The following MDFIC2 variants were observed in gnomAD, a reference collection of about 807,000 sequenced individuals.
MDFIC2 encodes the protein myoD family inhibitor domain-containing protein 2.
intron 2 of MDFIC2, among the ~76,000 whole-genome samples, chr3:70,280,138 G>A (rs1429256743): frequency 6.6e-6 from 1 of 152,088 alleles, no homozygotes; most frequent in Non-Finnish European, 1.5e-5. Context: ...GGGGCTGCCT[G>A]CATTTCCTGA....
In MDFIC2 at chr3:70,312,584, A is replaced by T. The variant is rs139487662; in HGVS notation, c.-34T>A. 2 of 152,310 alleles carry T rather than the reference A, an allele frequency of 1.3e-5. No homozygotes were observed. Among genetic ancestry groups the T allele is most frequent in the African/African-American group, 2.4e-5 (1 of 41,578 alleles). 9.4% of individuals were successfully genotyped at this position (152,310 alleles called of 1,614,324 possible). ...TCCAAAGGGAGGCCCAAGGTGTGGGACTGGGGAGCAGTGAGCTGCAGCCTC... is the reference window on the plus strand; with the variant it reads ...TCCAAAGGGAGGCCCAAGGTGTGGGTCTGGGGAGCAGTGAGCTGCAGCCTC... On this transcript the variant is annotated 5_prime_UTR_variant, in exon 1 of 4. Coordinates refer to ENST00000567252, the MANE Select transcript of MDFIC2 (RefSeq NM_001364677.1).
intron 2 of MDFIC2, among the ~76,000 whole-genome samples, chr3:70,263,061 C>T (rs756086548): frequency 6.6e-6 from 1 of 152,096 alleles, no homozygotes; most frequent in Non-Finnish European, 1.5e-5. Flanking sequence ...ATTCATCTCT[C>T]TCTTTATGTT....
chr3:70,280,882 G>A (rs767702129), intron 2 of MDFIC2, among the ~76,000 whole-genome samples: 20 of 152,094 alleles, frequency 1.3e-4, no homozygotes, highest in Non-Finnish European at 2.4e-4. Flanking sequence ...AGTCCAAGAA[G>A]AATCTAAACA....
At chr3:70,218,733 G>A (rs140155338) in intron 2 of MDFIC2, among the ~76,000 whole-genome samples, 4 of 152,146 alleles carry the variant, frequency 2.6e-5, no homozygotes, top group African/African-American at 4.8e-5. Flanking sequence ...GAGACACAAG[G>A]ATTTGAGCTA....
At chr3:70,198,051 A>G (rs752423689) in intron 3 of MDFIC2, among the ~76,000 whole-genome samples, 1 of 152,182 alleles carries the variant, frequency 6.6e-6, no homozygotes, top group Non-Finnish European at 1.5e-5. Flanking sequence ...TCTTGTTAAA[A>G]TTTTAACTTT....
intron 2 of MDFIC2, among the ~76,000 whole-genome samples, chr3:70,245,195 G>A (rs115982720): frequency 0.015 from 2,239 of 152,014 alleles, 38 homozygotes; most frequent in African/African-American, 0.05. Flanking sequence ...TTCTCTTGGC[G>A]TTAAGTCTGC....
At chr3:70,243,171 T>G (rs2106643205) in intron 2 of MDFIC2, among the ~76,000 whole-genome samples, 1 of 152,304 alleles carries the variant, frequency 6.6e-6, no homozygotes, top group Non-Finnish European at 1.5e-5. Context: ...GACAAGAGTC[T>G]TTGGCTCATG....
intron 2 of MDFIC2, among the ~76,000 whole-genome samples, chr3:70,289,040 G>C (rs1456074509): frequency 6.6e-6 from 1 of 151,990 alleles, no homozygotes; most frequent in African/African-American, 2.4e-5. Context: ...CTTTTAATTG[G>C]AGCATTTAGC....
chr3:70,227,307 A>G (rs17006867), intron 2 of MDFIC2, among the ~76,000 whole-genome samples: 22,416 of 152,224 alleles, frequency 0.15, 2,349 homozygotes, highest in East Asian at 0.55. Flanking sequence ...ATTTTCCTGG[A>G]GAACTGTGAT....
chr3:70,221,835 T>C (rs188558917), intron 2 of MDFIC2, among the ~76,000 whole-genome samples: 140 of 152,306 alleles, frequency 9.2e-4, no homozygotes, highest in African/African-American at 3.3e-3. Context: ...ATTTTTTGGC[T>C]GGGGCAAAAG....
At chr3:70,206,528 G>T (rs1701292125) in intron 3 of MDFIC2, 41 bp downstream of exon 3, 2 of 397,126 alleles carry the variant, frequency 5.0e-6, no homozygotes, top group East Asian at 7.1e-5. Context: ...ATGGGGGTTG[G>T]GAGCTTTATT....
chr3:70,200,830 T>A (rs1331891225), intron 3 of MDFIC2, among the ~76,000 whole-genome samples: 2 of 152,162 alleles, frequency 1.3e-5, no homozygotes, highest in African/African-American at 4.8e-5. Flanking sequence ...TCCTAAATCC[T>A]ACCAACTGTA....
intron 2 of MDFIC2, among the ~76,000 whole-genome samples, chr3:70,289,960 TC>T (rs1337193882): frequency 6.6e-6 from 1 of 152,106 alleles, no homozygotes; most frequent in Non-Finnish European, 1.5e-5. Flanking sequence ...TATACATTCT[TC>T]TAAATTCTTT....
chr3:70,256,670 C>T (rs1490617696), intron 2 of MDFIC2, among the ~76,000 whole-genome samples: 1 of 152,190 alleles, frequency 6.6e-6, no homozygotes, highest in Non-Finnish European at 1.5e-5. Flanking sequence ...CCCTCCTTCC[C>T]TCCTTTTCTA....
At chr3:70,207,526 TTGTA>T (rs762402055) in intron 2 of MDFIC2, among the ~76,000 whole-genome samples, 11 of 152,012 alleles carry the variant, frequency 7.2e-5, no homozygotes, top group Non-Finnish European at 1.5e-4. Flanking sequence ...GCCCCAAGCG[TTGTA>T]TGTATTTTAC....
intron 3 of MDFIC2, among the ~76,000 whole-genome samples, chr3:70,206,350 T>C (rs961632312): frequency 1.3e-5 from 2 of 152,074 alleles, no homozygotes; most frequent in Non-Finnish European, 2.9e-5. Flanking sequence ...TTAAAACATG[T>C]TGCCTCTGAT....
At chr3:70,256,210 G>A (rs1701814681) in intron 2 of MDFIC2, among the ~76,000 whole-genome samples, 1 of 152,200 alleles carries the variant, frequency 6.6e-6, no homozygotes, top group Non-Finnish European at 1.5e-5. Context: ...AACTTTAGTT[G>A]TAAAGTTTTT....
chr3:70,203,167 C>T (rs1576153622), intron 3 of MDFIC2, among the ~76,000 whole-genome samples: 1 of 152,154 alleles, frequency 6.6e-6, no homozygotes, highest in South Asian at 2.1e-4. Flanking sequence ...CTCATCCTCC[C>T]CAAAGCAAAG....
At chr3:70,221,782 C>A (rs1701462592) in intron 2 of MDFIC2, among the ~76,000 whole-genome samples, 1 of 152,074 alleles carries the variant, frequency 6.6e-6, no homozygotes, top group South Asian at 2.1e-4. Flanking sequence ...TTATATCGAG[C>A]ATCATTGTTA....
Sources: gnomAD v4.1 joint callset for allele counts (sites outside exome capture counted in the v4.1 genomes callset) on GRCh38, gnomAD v4.1.1 for gene constraint, MANE v1.5 for transcripts, NCBI Gene and HGNC (gene_info 2026-07-23, HGNC 2026-07-21) for gene names.